The following CALB2 variants were observed in gnomAD, a reference collection of about 807,000 sequenced individuals.
CALB2 encodes calbindin 2, also known as calretinin.
CALB2 carries 34 observed loss-of-function variants against 45.9 expected under a neutral mutation model. That is an observed-to-expected ratio of 0.74 (90% confidence interval 0.56 to 0.99). CALB2 has a LOEUF of 0.99. Ranked by LOEUF, CALB2 falls within the 50% of genes least tolerant of loss-of-function variation. The probability of loss-of-function intolerance (pLI) is 0.00; values close to 1 mark genes in which losing one functional copy is unlikely to be tolerated. For synonymous variants in CALB2, 142 were observed against 129.6 expected (o/e 1.10, Z -0.65); for missense variants, 344 against 339.3 (o/e 1.01, Z -0.11).
At chr16:71,365,670 A>G (rs1406572333) in intron 1 of CALB2, among the ~76,000 whole-genome samples, 1 of 152,142 alleles carries the variant, frequency 6.6e-6, no homozygotes, top group Non-Finnish European at 1.5e-5. Context: ...AGGTAGTTCC[A>G]ATGCTACTGG....
At chr16:71,364,724 C>T (rs1166711544) in intron 1 of CALB2, among the ~76,000 whole-genome samples, 1 of 152,216 alleles carries the variant, frequency 6.6e-6, no homozygotes, top group African/African-American at 2.4e-5. Context: ...CAGCACAGCC[C>T]AGAAACATAG....
chr16:71,382,736 CACAG>C lies in CALB2; in HGVS notation c.365_368del (p.Asp122GlyfsTer18), dbSNP rs1192330267. 6.2e-7 allele frequency: 1 copy of C among 1,611,950 alleles called. No homozygotes were observed. The highest frequency in any genetic ancestry group is 8.5e-7 in the Non-Finnish European group (1 of 1,179,152). The stretch of plus-strand genomic sequence containing the variant: ...TGTTGCAGGCTTGGCGGAAGTACGA[CACAG>C]ACAGGAGTGGCTACATCGAAGCCAA... On this transcript the variant is annotated frameshift_variant, in exon 5 of 11. Transcript: ENST00000302628. LOFTEE classifies it high-confidence loss of function.
In CALB2 at chr16:71,358,774, G is replaced by C; in HGVS notation, c.-19G>C. 6.3e-6 allele frequency: 10 copies of C among 1,595,356 alleles called. No homozygotes were observed. Among genetic ancestry groups the C allele is most frequent in the Non-Finnish European group, 8.5e-6 (10 of 1,170,764 alleles). ...GCGGAGCGGGAGCGGTGCAGGCTGAGGTCTCCGAGCGGCTCGCCATGGCTG... is the reference window on the plus strand; with the variant it reads ...GCGGAGCGGGAGCGGTGCAGGCTGACGTCTCCGAGCGGCTCGCCATGGCTG... On this transcript the variant is annotated 5_prime_UTR_variant, in exon 1 of 11. Coordinates refer to ENST00000302628, the MANE Select transcript of CALB2 (RefSeq NM_001740.5).
intron 4 of CALB2, among the ~76,000 whole-genome samples, chr16:71,382,139 A>AGAAGGAAGGAAGGAAAGAAG (rs1555526536): frequency 3.1e-5 from 2 of 64,698 alleles, no homozygotes; most frequent in Non-Finnish European, 5.4e-5. Flanking sequence ...AAGGAAGGAA[A>AGAAGGAAGGAAGGAAAGAAG]GAAGGAAGGA....
chr16:71,380,453 C>A (rs2042478096), intron 4 of CALB2, among the ~76,000 whole-genome samples: 1 of 127,580 alleles, frequency 7.8e-6, no homozygotes, highest in South Asian at 2.3e-4. Context: ...GGATTACAGG[C>A]AGGCACCACC....
chr16:71,383,112 C>T (rs536872399), intron 5 of CALB2, among the ~76,000 whole-genome samples: 4 of 152,264 alleles, frequency 2.6e-5, no homozygotes, highest in East Asian at 1.9e-4. Flanking sequence ...TGCTTAGCTC[C>T]GTATACTGGT....
At position 71,388,342 on chromosome 16, in the gene CALB2, AAAAAAAAAAG is replaced by A. The variant is rs1444386814; in HGVS notation, c.700-1401_700-1392del. Among the ~76,000 whole-genome samples the A allele has an allele frequency of 5.2e-3, 781 of 149,464 alleles. 1 individual carries two copies. Among genetic ancestry groups the A allele is most frequent in the Admixed American group, 0.021 (303 of 14,780 alleles). On this transcript the variant is annotated intron_variant, in intron 10 of 10. Coordinates refer to ENST00000302628, the MANE Select transcript of CALB2 (RefSeq NM_001740.5). ...AGAGCAAGACCTTATCTCAAAAAAA[AAAAAAAAAAG>A]AAAAAGAAAAAGAAAAAGAAAAAAG...
chr16:71,360,701 C>T (rs1243676790), intron 1 of CALB2, among the ~76,000 whole-genome samples: 1 of 152,194 alleles, frequency 6.6e-6, no homozygotes, highest in Non-Finnish European at 1.5e-5. Context: ...CATAACCACG[C>T]AGATCCTTAC....
chr16:71,384,943 G>A, intron 9 of CALB2, 107 bp downstream of exon 9: 1 of 938,742 alleles, frequency 1.1e-6, no homozygotes, highest in Non-Finnish European at 1.7e-6. Context: ...GGTGGCCTGG[G>A]CCGTGTGGTT....
chr16:71,372,620 CAG>C (rs1455320920), intron 2 of CALB2, among the ~76,000 whole-genome samples: 2 of 152,090 alleles, frequency 1.3e-5, no homozygotes, highest in Admixed American at 6.5e-5. Flanking sequence ...GATTCTAGAC[CAG>C]AGTTTCTCAG....
At chr16:71,368,277 C>A (rs1228934034) in intron 1 of CALB2, among the ~76,000 whole-genome samples, 1 of 152,200 alleles carries the variant, frequency 6.6e-6, no homozygotes, top group African/African-American at 2.4e-5. Context: ...AATCCCAGCA[C>A]TTTGGGAGGC....
chr16:71,385,634 G>C lies in CALB2; in HGVS notation c.685G>C (p.Glu229Gln). 1.9e-6 allele frequency: 3 copies of C among 1,613,776 alleles called. No individual in the cohort carries two copies. Among genetic ancestry groups the C allele is most frequent in the African/African-American group, 1.3e-5 (1 of 74,968 alleles). The change falls in exon 10 of 11, where the codon GAG (glutamate) becomes CAG (glutamine). Residue 229 changes from glutamate to glutamine, a missense_variant. By Grantham distance (29) the Glu-to-Gln change is conservative (BLOSUM62 2). Transcript: ENST00000302628. ...GGATGCCCTTTTGAAGGATCTGTAC[G>C]AGAAAAACAAAAAGGTGAGCAGCCA... ...ELDALLKDLY[E>Q]KNKKEMNIQQ...
At chr16:71,372,777 A>G (rs1598164838) in intron 2 of CALB2, among the ~76,000 whole-genome samples, 2 of 152,214 alleles carry the variant, frequency 1.3e-5, no homozygotes, top group African/African-American at 4.8e-5. Context: ...AATGTCTCCA[A>G]ACATTGCCAA....
chr16:71,372,569 C>T (rs908988591), intron 2 of CALB2, among the ~76,000 whole-genome samples: 4 of 152,168 alleles, frequency 2.6e-5, no homozygotes, highest in African/African-American at 9.7e-5. Context: ...GCTTAGGGGT[C>T]ATGATTCCAG....
In CALB2 at chr16:71,366,022, C is replaced by CTT. The variant is rs1447467571; in HGVS notation, c.95-6130_95-6129insTT. ...TTTCTTTGTTTTCTTCCCTCTCTCT[C>CTT]TCTTTTTTTTTTTTTTTTTTTTGAG... On this transcript the variant is annotated intron_variant, in intron 1 of 10. Transcript: ENST00000302628. 4.0e-4 allele frequency among the ~76,000 whole-genome samples: 20 copies of CTT among 50,536 alleles called. 2 individuals are homozygous for CTT. The highest frequency in any genetic ancestry group is 3.4e-3 in the East Asian group (9 of 2,644). 33.2% of individuals were successfully genotyped at this position (50,536 alleles called of 152,430 possible). A position where few individuals can be genotyped will look rare whatever the true frequency, so the allele number is the denominator to read the frequency against.
intron 1 of CALB2, among the ~76,000 whole-genome samples, chr16:71,369,890 CCAACTCAGAGCATCAT>C (rs1326334211): frequency 6.6e-6 from 1 of 152,186 alleles, no homozygotes; most frequent in East Asian, 1.9e-4. Context: ...ACTCATTCTT[CCAACTCAGAGCATCAT>C]CAACTAGACG....
At chr16:71,377,844 G>T in intron 4 of CALB2, 97 bp downstream of exon 4, 1 of 840,016 alleles carries the variant, frequency 1.2e-6, no homozygotes, top group East Asian at 2.6e-5. Flanking sequence ...ATGGTCCCTG[G>T]GAGATGCTAA....
chr16:71,366,700 T>C (rs2042292322), intron 1 of CALB2, among the ~76,000 whole-genome samples: 1 of 152,096 alleles, frequency 6.6e-6, no homozygotes, highest in Admixed American at 6.6e-5. Context: ...CATCTATAAA[T>C]TGATTTAGAG....
At chr16:71,385,280 CT>C in intron 9 of CALB2, 1 of 374,944 alleles carries the variant, frequency 2.7e-6, no homozygotes, top group Non-Finnish European at 4.8e-6. Context: ...TGGAGGTAAA[CT>C]TTAAATAGCC....
Sources: allele counts gnomAD v4.1 joint callset (sites outside exome capture counted in the v4.1 genomes callset), GRCh38; gene constraint gnomAD v4.1.1; transcripts MANE v1.5; gene names NCBI Gene and HGNC (gene_info 2026-07-23, HGNC 2026-07-21).